Variants in DENND4C observed in about 807,000 individuals in gnomAD.
The protein encoded by DENND4C is DENN domain containing 4C, also known as DENN domain-containing protein 4C.
In DENND4C, 108 loss-of-function variants were observed where a neutral mutation model predicts 203.0. The observed-to-expected ratio is 0.53, with a 90% CI of 0.46 to 0.62. DENND4C has a LOEUF of 0.62. Ranked by LOEUF, DENND4C falls within the 20% of genes least tolerant of loss-of-function variation. DENND4C has a pLI of 0.00. For synonymous variants in DENND4C, 871 were observed against 792.4 expected, an observed-to-expected ratio of 1.10 and a Z score of -1.67; for missense variants, 2,481 against 2,301.2, an observed-to-expected ratio of 1.08 and a Z score of -1.60.
intron 12 of DENND4C, among the ~76,000 whole-genome samples, 158 bp downstream of exon 12, chr9:19,316,997 T>A (rs1206296076): frequency 1.3e-5 from 2 of 152,132 alleles, no homozygotes; most frequent in African/African-American, 4.8e-5. Flanking sequence ...TGACTAGAAT[T>A]TCTTGTAATT....
At chr9:19,295,221 A>G (rs533240211) in intron 5 of DENND4C, among the ~76,000 whole-genome samples, 1 of 151,968 alleles carries the variant, frequency 6.6e-6, no homozygotes, top group Admixed American at 6.6e-5. Flanking sequence ...AATAGAAAAA[A>G]TTAGGCCGGG....
intron 2 of DENND4C, among the ~76,000 whole-genome samples, chr9:19,281,561 A>T (rs1834044612): frequency 6.6e-6 from 1 of 152,216 alleles, no homozygotes. Context: ...ATAAACTGAG[A>T]TGAGGTATTT....
intron 1 of DENND4C, among the ~76,000 whole-genome samples, chr9:19,235,487 C>A (rs1336638427): frequency 2.0e-5 from 3 of 151,710 alleles, no homozygotes; most frequent in African/African-American, 7.3e-5. Context: ...TAATGTAATT[C>A]TTATACTCTT....
intron 12 of DENND4C, among the ~76,000 whole-genome samples, chr9:19,319,377 CATACATATATATAT>C (rs1842450636): frequency 2.7e-5 from 3 of 109,852 alleles, no homozygotes; most frequent in African/African-American, 1.1e-4. Context: ...TATATATACA[CATACATATATATAT>C]ACATATATAT....
intron 16 of DENND4C, among the ~76,000 whole-genome samples, chr9:19,328,691 C>CTA (rs1818418089): frequency 6.6e-6 from 1 of 151,798 alleles, no homozygotes; most frequent in Non-Finnish European, 1.5e-5. Flanking sequence ...ATCTATCTAT[C>CTA]TATCTGTCTA....
At chr9:19,305,973 G>T (rs969301847) in intron 10 of DENND4C, among the ~76,000 whole-genome samples, 3 of 152,164 alleles carry the variant, frequency 2.0e-5, no homozygotes, top group Non-Finnish European at 2.9e-5. Context: ...ATTTTATAAG[G>T]ATCTGTTGTT....
chr9:19,339,195 T>G (rs1821096240), intron 20 of DENND4C, among the ~76,000 whole-genome samples: 1 of 152,216 alleles, frequency 6.6e-6, no homozygotes, highest in African/African-American at 2.4e-5. Flanking sequence ...TTTTACCTCT[T>G]TATTATTTCA....
intron 26 of DENND4C, among the ~76,000 whole-genome samples, chr9:19,354,486 A>G (rs749733787): frequency 3.4e-5 from 5 of 146,506 alleles, no homozygotes; most frequent in Admixed American, 1.4e-4. Context: ...AAATTTTGGC[A>G]TTGTTTGAAT....
intron 8 of DENND4C, among the ~76,000 whole-genome samples, chr9:19,299,723 C>G (rs576042247): frequency 6.6e-6 from 1 of 152,276 alleles, no homozygotes; most frequent in African/African-American, 2.4e-5. Context: ...TCCTTTAGTT[C>G]TTTATCCACC....
chr9:19,271,076 G>T (rs910272904), intron 1 of DENND4C, among the ~76,000 whole-genome samples: 4 of 151,898 alleles, frequency 2.6e-5, no homozygotes, highest in African/African-American at 9.7e-5. Flanking sequence ...AAATTTAAAA[G>T]ATCTAAGTAA....
chr9:19,270,283 G>A (rs1831370280), intron 1 of DENND4C, among the ~76,000 whole-genome samples: 1 of 152,126 alleles, frequency 6.6e-6, no homozygotes, highest in Non-Finnish European at 1.5e-5. Context: ...GTTTATTCAA[G>A]GCCCAAGGGC....
At chr9:19,292,011 A>G (rs965328675) in intron 5 of DENND4C, among the ~76,000 whole-genome samples, 2 of 151,884 alleles carry the variant, frequency 1.3e-5, no homozygotes, top group Non-Finnish European at 2.9e-5. Flanking sequence ...AAATAAGTAA[A>G]TAAATAAATA....
In DENND4C at chr9:19,346,948, T is replaced by C. The variant is rs746661318; in HGVS notation, c.4179T>C (p.Ser1393=). 6 of 1,614,092 alleles carry C rather than the reference T, an allele frequency of 3.7e-6. No individual in the cohort carries two copies. The highest frequency in any genetic ancestry group is 1.6e-4 in the Middle Eastern group (1 of 6,084). Residue 1393 remains serine (S), a synonymous_variant, in exon 23 of 33, where the codon TCT becomes TCC. Transcript: ENST00000434457. The part of the protein sequence containing the change: ...PHGSLGSVVN[S]LSGLKLDNIL... ...GCTCGTTGGGTTCTGTAGTAAATTC[T>C]TTGTCAGGGCTAAAGCTGGATAATA...
At chr9:19,276,107 G>C in intron 1 of DENND4C, 51 bp from the exon 2 acceptor site, 1 of 965,264 alleles carries the variant, frequency 1.0e-6, no homozygotes, top group Non-Finnish European at 1.3e-6. Flanking sequence ...ATTAATTTTT[G>C]TCAGGATAAA....
At chr9:19,278,074 CTT>C (rs34167347) in intron 2 of DENND4C, among the ~76,000 whole-genome samples, 11,276 of 120,324 alleles carry the variant, frequency 0.094, 313 homozygotes, top group South Asian at 0.15. Flanking sequence ...CCTTTTTTTT[CTT>C]TTTTTTTTTT....
At chr9:19,239,379 A>G (rs1249266129) in intron 1 of DENND4C, among the ~76,000 whole-genome samples, 2 of 152,026 alleles carry the variant, frequency 1.3e-5, no homozygotes, top group Non-Finnish European at 1.5e-5. Context: ...TTTAATTTCT[A>G]AATACTGGAG....
chr9:19,251,753 C>G (rs1826656931), intron 1 of DENND4C, among the ~76,000 whole-genome samples: 1 of 152,178 alleles, frequency 6.6e-6, no homozygotes, highest in Non-Finnish European at 1.5e-5. Context: ...TGCTGCCAGT[C>G]TGTTTGCTAA....
chr9:19,271,407 G>A (rs1156903360), intron 1 of DENND4C, among the ~76,000 whole-genome samples: 1 of 151,936 alleles, frequency 6.6e-6, no homozygotes, highest in East Asian at 1.9e-4. Flanking sequence ...GTCTATGTTG[G>A]CCAGGCTGTT....
At chr9:19,352,805 T>A in intron 26 of DENND4C, 140 bp downstream of exon 26, 1 of 556,966 alleles carries the variant, frequency 1.8e-6, no homozygotes, top group South Asian at 4.2e-5. Context: ...TAGCAAATAC[T>A]AGTAATGTGG....
Sources: gnomAD v4.1 joint callset for allele counts (sites outside exome capture counted in the v4.1 genomes callset) on GRCh38, gnomAD v4.1.1 for gene constraint, MANE v1.5 for transcripts, NCBI Gene and HGNC (gene_info 2026-07-23, HGNC 2026-07-21) for gene names.